The following TMEM38A variants were observed in gnomAD, a reference collection of about 807,000 sequenced individuals.
The protein encoded by TMEM38A is transmembrane protein 38A.
A neutral mutation model predicts 28.6 loss-of-function variants in TMEM38A; 17 were observed. That is an observed-to-expected ratio of 0.60 (90% confidence interval 0.41 to 0.89). The LOEUF (loss-of-function observed/expected upper bound fraction) is 0.89, where lower values mean the gene tolerates loss of function less well. Ranked by LOEUF, TMEM38A falls within the 40% of genes least tolerant of loss-of-function variation. TMEM38A has a pLI of 0.00. For missense variants in TMEM38A, 328 were observed against 393.1 expected, an observed-to-expected ratio of 0.83 and a Z score of 1.40; for synonymous variants, 169 against 166.1, an observed-to-expected ratio of 1.02 and a Z score of -0.14.
chr19:16,673,467 C>T (rs2086736253), intron 1 of TMEM38A, among the ~76,000 whole-genome samples: 1 of 152,160 alleles, frequency 6.6e-6, no homozygotes, highest in South Asian at 2.1e-4. Flanking sequence ...TCTCCTGTTG[C>T]AACATTGTAT....
intron 1 of TMEM38A, among the ~76,000 whole-genome samples, chr19:16,667,296 A>G (rs1568312849): frequency 6.6e-6 from 1 of 151,934 alleles, no homozygotes; most frequent in Non-Finnish European, 1.5e-5. Context: ...AAAAAGAGAA[A>G]GAAATGCAGA....
chr19:16,679,952 G>A lies in TMEM38A; in HGVS notation c.125-32G>A, dbSNP rs77598124. 1.5e-4 allele frequency: 241 copies of A among 1,566,266 alleles called. No individual in the cohort carries two copies. In the Middle Eastern group the frequency reaches 2.3e-3, roughly 15 times the overall value. On this transcript the variant is annotated intron_variant, in intron 1 of 5. Transcript: ENST00000187762. The stretch of plus-strand genomic sequence containing the variant: ...AGTGAAGCCTGCCCTTGGCATGCTG[G>A]TGATGATGGGGGACACTCCTGTGCC...
At position 16,682,521 on chromosome 19, in the gene TMEM38A, C is replaced by A. The variant is rs776496754; in HGVS notation, c.554+13C>A. Reference sequence around the variant, plus strand: ...TGCACATGTCTTTGTGAGTATCCCACTCCACCTCTCCCTCCATGCCTCCTG... The same window carrying A: ...TGCACATGTCTTTGTGAGTATCCCAATCCACCTCTCCCTCCATGCCTCCTG... On this transcript the variant is annotated intron_variant, in intron 4 of 5. Transcript: ENST00000187762. The A allele has an allele frequency of 4.3e-6, 7 of 1,612,234 alleles. No homozygotes were observed. The South Asian group carries it at 6.6e-5, about 15-fold the overall frequency.
At chr19:16,667,053 G>A (rs1445250339) in intron 1 of TMEM38A, among the ~76,000 whole-genome samples, 4 of 151,160 alleles carry the variant, frequency 2.6e-5, no homozygotes, top group Non-Finnish European at 4.4e-5. Flanking sequence ...CGGATCACCC[G>A]AGGTCAGAAG....
At chr19:16,678,777 A>AG (rs2086764445) in intron 1 of TMEM38A, among the ~76,000 whole-genome samples, 1 of 151,118 alleles carries the variant, frequency 6.6e-6, no homozygotes. Flanking sequence ...AAAAAAAAAA[A>AG]AAAAAAAAAA....
intron 1 of TMEM38A, among the ~76,000 whole-genome samples, chr19:16,668,453 G>A (rs1357177948): frequency 6.7e-6 from 1 of 148,682 alleles, no homozygotes; most frequent in African/African-American, 2.5e-5. Context: ...GCTGAGGCAC[G>A]AGAATTGCTT....
intron 1 of TMEM38A, among the ~76,000 whole-genome samples, chr19:16,679,690 T>C (rs2086771502): frequency 6.6e-6 from 1 of 152,022 alleles, no homozygotes; most frequent in Non-Finnish European, 1.5e-5. Context: ...ATAAAAGCCA[T>C]CACTTGGCTG....
intron 1 of TMEM38A, among the ~76,000 whole-genome samples, chr19:16,672,216 A>G (rs1225822174): frequency 6.6e-6 from 1 of 152,126 alleles, no homozygotes; most frequent in East Asian, 1.9e-4. Flanking sequence ...TTTGTTTTTT[A>G]AAAAAAGAGA....
chr19:16,665,625 G>C (rs982129976), intron 1 of TMEM38A, among the ~76,000 whole-genome samples: 3 of 152,310 alleles, frequency 2.0e-5, no homozygotes, highest in Non-Finnish European at 1.5e-5. Context: ...GGGATCATTG[G>C]TAAGAGAACC....
At chr19:16,675,239 T>TTG (rs1175246303) in intron 1 of TMEM38A, among the ~76,000 whole-genome samples, 1 of 152,062 alleles carries the variant, frequency 6.6e-6, no homozygotes, top group East Asian at 1.9e-4. Flanking sequence ...TGACTCTTAT[T>TTG]TGTTTATTTA....
chr19:16,683,824 G>T (rs932631844), intron 4 of TMEM38A, among the ~76,000 whole-genome samples: 11 of 152,102 alleles, frequency 7.2e-5, no homozygotes, highest in Non-Finnish European at 1.2e-4. Context: ...TACAAAATTA[G>T]CTGGGTGTGG....
At chr19:16,668,985 C>A (rs370469283) in intron 1 of TMEM38A, among the ~76,000 whole-genome samples, 1 of 151,770 alleles carries the variant, frequency 6.6e-6, no homozygotes, top group African/African-American at 2.4e-5. Context: ...TGTGCCACCA[C>A]GCCTGGCTAA....
rs1167986190 is a variant in TMEM38A, at chr19:16,676,151, G to A, written c.125-3833G>A. ...CGAGGCAGGCGGATCACGAGGTCAG[G>A]AGATTGAGACCATCTTGGCTAACAC... On this transcript the variant is annotated intron_variant, in intron 1 of 5. Coordinates refer to ENST00000187762, the MANE Select transcript of TMEM38A (RefSeq NM_024074.4). 2.2e-5 allele frequency among the ~76,000 whole-genome samples: 3 copies of A among 133,544 alleles called. 1 individual carries two copies. The highest frequency in any genetic ancestry group is 1.2e-4 in the African/African-American group (3 of 25,188). The allele number at this position is 133,544 out of a possible 152,430, so 87.6% of individuals were successfully genotyped here. A position where few individuals can be genotyped will look rare whatever the true frequency, so the allele number is the denominator to read the frequency against.
At chr19:16,673,184 C>T (rs529834373) in intron 1 of TMEM38A, among the ~76,000 whole-genome samples, 7 of 152,144 alleles carry the variant, frequency 4.6e-5, no homozygotes, top group Middle Eastern at 3.2e-3. Context: ...CGGGTTCAAG[C>T]GATTCTCCTA....
chr19:16,662,784 C>G (rs1269972818), intron 1 of TMEM38A, among the ~76,000 whole-genome samples: 1 of 152,048 alleles, frequency 6.6e-6, no homozygotes. Context: ...GGATTACACT[C>G]TATTTGCTAG....
At chr19:16,684,507 C>A (rs180951101) in intron 4 of TMEM38A, among the ~76,000 whole-genome samples, 38 of 151,370 alleles carry the variant, frequency 2.5e-4, no homozygotes, top group Non-Finnish European at 4.4e-5. Context: ...GAGAGACAGA[C>A]ATCAGGAATA....
At chr19:16,685,882 C>T (rs2086799620) in intron 4 of TMEM38A, among the ~76,000 whole-genome samples, 1 of 152,106 alleles carries the variant, frequency 6.6e-6, no homozygotes, top group African/African-American at 2.4e-5. Context: ...TCAGGAGAAG[C>T]TGTGGCTGGG....
chr19:16,681,191 G>A (rs144632810), intron 3 of TMEM38A, among the ~76,000 whole-genome samples: 2 of 152,320 alleles, frequency 1.3e-5, no homozygotes, highest in African/African-American at 4.8e-5. Context: ...AGGAGGCTGA[G>A]GTGGGAGGAT....
chr19:16,674,417 G>A (rs1395821651), intron 1 of TMEM38A, among the ~76,000 whole-genome samples: 1 of 151,204 alleles, frequency 6.6e-6, no homozygotes, highest in African/African-American at 2.4e-5. Flanking sequence ...AAGTTGGGGG[G>A]ATCCAACACA....
Sources: allele counts gnomAD v4.1 joint callset (sites outside exome capture counted in the v4.1 genomes callset), GRCh38; gene constraint gnomAD v4.1.1; transcripts MANE v1.5; gene names NCBI Gene and HGNC (gene_info 2026-07-23, HGNC 2026-07-21).